The following KIF17 variants were observed in gnomAD, a reference collection of about 807,000 sequenced individuals.
The protein encoded by KIF17 is kinesin family member 17, also known as kinesin-like protein KIF17.
A neutral mutation model predicts 96.8 loss-of-function variants in KIF17; 80 were observed. The observed-to-expected ratio is 0.83, with a 90% confidence interval of 0.69 to 1.00. The LOEUF (loss-of-function observed/expected upper bound fraction) is 1.00, where lower values mean the gene tolerates loss of function less well. Ranked by LOEUF, KIF17 falls within the 50% of genes least tolerant of loss-of-function variation. KIF17 has a pLI of 0.00. For missense variants in KIF17, 1,280 were observed against 1,372.9 expected (o/e 0.93, Z 1.07); for synonymous variants, 567 against 587.5 (o/e 0.97, Z 0.51).
At position 20,704,170 on chromosome 1, in the gene KIF17, G is replaced by C. The variant is rs367570612; in HGVS notation, c.1123+277C>G. ...GTGTGGTGGGGGGTGTGGTGGGGGT[G>C]GGGGGGATAATGGATGAGCAGATGA... On this transcript the variant is annotated intron_variant, in intron 5 of 14. Coordinates refer to ENST00000400463, the MANE Select transcript of KIF17 (RefSeq NM_001122819.3). The surrounding 1 kb of genome is among the most constrained non-coding windows in gnomAD (Gnocchi z 6.8). 3.3e-5 allele frequency among the ~76,000 whole-genome samples: 5 copies of C among 150,398 alleles called. No homozygotes were observed. Among genetic ancestry groups the C allele is most frequent in the Non-Finnish European group, 4.4e-5 (3 of 67,574 alleles).
intron 11 of KIF17, among the ~76,000 whole-genome samples, chr1:20,681,888 C>A (rs888083630): frequency 2.6e-5 from 4 of 152,272 alleles, no homozygotes; most frequent in Middle Eastern, 3.4e-3. Flanking sequence ...TTCTGAGGTT[C>A]CCAGTCTGGG....
At chr1:20,675,417 C>T (rs915396061) in intron 11 of KIF17, among the ~76,000 whole-genome samples, 9 of 149,282 alleles carry the variant, frequency 6.0e-5, no homozygotes, top group Admixed American at 5.4e-4. Context: ...CATTGCACTC[C>T]AGCCTGGGCG....
Position 20,664,276 on chromosome 1 carries a change from C to G in KIF17, c.*308G>C, listed in dbSNP as rs1161081233. 3.2e-6 allele frequency: 4 copies of G among 1,260,688 alleles called. No homozygotes were observed. Among genetic ancestry groups the G allele is most frequent in the Non-Finnish European group, 4.1e-6 (4 of 977,974 alleles). The allele number at this position is 1,260,688 out of a possible 1,614,324, so 78.1% of individuals were successfully genotyped here. ...GTGAAGCAGGTCTCAGGCTTTGAGG[C>G]AAAGACCAACACTGGTGGGCATGGG... On this transcript the variant is annotated 3_prime_UTR_variant, in exon 15 of 15. Transcript: ENST00000400463.
chr1:20,700,374 C>G lies in KIF17; in HGVS notation c.1124-1886G>C, dbSNP rs754224505. Among the ~76,000 whole-genome samples, 11 of 152,130 alleles carry G rather than the reference C, an allele frequency of 7.2e-5. No individual in the cohort carries two copies. The highest frequency in any genetic ancestry group is 1.6e-4 in the Non-Finnish European group (11 of 68,024). Reference sequence around the variant, plus strand: ...GCGTGAACCACTGCGCCCGGCCAGGCTGTAGCCAGTTTTGAAGGTGGAGAT... The same window carrying G: ...GCGTGAACCACTGCGCCCGGCCAGGGTGTAGCCAGTTTTGAAGGTGGAGAT... On this transcript the variant is annotated intron_variant, in intron 5 of 14. Coordinates refer to ENST00000400463, the MANE Select transcript of KIF17 (RefSeq NM_001122819.3). This position sits in a 1 kb window ranked among gnomAD's most constrained non-coding sequence, Gnocchi z 4.6.
At chr1:20,705,095 C>A (rs2054319094) in intron 4 of KIF17, among the ~76,000 whole-genome samples, 196 bp from the exon 5 acceptor site, 1 of 152,208 alleles carries the variant, frequency 6.6e-6, no homozygotes, top group Admixed American at 6.5e-5. Context: ...GGGCATGGAA[C>A]TTGTCCAAGG....
chr1:20,691,333 G>C (rs1370066868), intron 6 of KIF17, among the ~76,000 whole-genome samples: 1 of 152,044 alleles, frequency 6.6e-6, no homozygotes, highest in Non-Finnish European at 1.5e-5. Flanking sequence ...AATTTATAGA[G>C]TAGGGGTCTC....
rs769060306 is a variant in KIF17 at position 20,672,063 on chromosome 1, G to A, written c.2597C>T (p.Pro866Leu). 6.2e-7 allele frequency: 1 copy of A among 1,614,016 alleles called. No individual in the cohort carries two copies. Among genetic ancestry groups the A allele is most frequent in the Non-Finnish European group, 8.5e-7 (1 of 1,180,044 alleles). ...LLQQLLEQVQ[P>L]LIRRDCNYSN... ...GTAGTTACAGTCCCTGCGAATCAGGGGCTGCACCTGCTCCAGGAGCTGCTG... is the reference window on the plus strand; with the variant it reads ...GTAGTTACAGTCCCTGCGAATCAGGAGCTGCACCTGCTCCAGGAGCTGCTG... The change falls in exon 12 of 15, where the codon CCC (proline) becomes CTC (leucine). Residue 866 changes from proline to leucine, a missense_variant. Transcript: ENST00000400463. This position sits in a 1 kb window ranked among gnomAD's most constrained non-coding sequence, Gnocchi z 4.3.
chr1:20,678,033 C>G (rs1452486209), intron 11 of KIF17, among the ~76,000 whole-genome samples: 1 of 152,172 alleles, frequency 6.6e-6, no homozygotes, highest in East Asian at 1.9e-4. Flanking sequence ...TTACAATGCT[C>G]ATAAAGACAT....
rs540543959 is a variant in KIF17 at position 20,701,237 on chromosome 1, C to T, written c.1124-2749G>A. 5.3e-5 allele frequency among the ~76,000 whole-genome samples: 8 copies of T among 152,288 alleles called. No individual in the cohort carries two copies. The South Asian group carries it at 1.7e-3, about 32-fold the overall frequency. On this transcript the variant is annotated intron_variant, in intron 5 of 14. Coordinates refer to ENST00000400463, the MANE Select transcript of KIF17 (RefSeq NM_001122819.3). The stretch of plus-strand genomic sequence containing the variant: ...TCACGAGGTCCTGATTGAGACCATC[C>T]TGGCTAACACGGTAAAACCCCATCT...
chr1:20,669,668 T>G (rs1055194132), intron 13 of KIF17, among the ~76,000 whole-genome samples: 9 of 149,084 alleles, frequency 6.0e-5, no homozygotes, highest in Non-Finnish European at 1.3e-4. Flanking sequence ...GGTCAAGAGA[T>G]CGAGACCATC....
rs2053486641 is a variant in KIF17 at position 20,664,374 on chromosome 1, G to T, written c.*210C>A. The T allele has an allele frequency of 6.9e-7, 1 of 1,452,800 alleles. No individual in the cohort carries two copies. The highest frequency in any genetic ancestry group is 9.0e-7 in the Non-Finnish European group (1 of 1,108,292). 90.0% of individuals were successfully genotyped at this position (1,452,800 alleles called of 1,614,324 possible). On this transcript the variant is annotated 3_prime_UTR_variant, in exon 15 of 15. Coordinates refer to ENST00000400463, the MANE Select transcript of KIF17 (RefSeq NM_001122819.3). ...AACAGCTGGAGCAGGCCTCTCTAAG[G>T]AGGACTATACAGCCTCCGAGGGGCT...
intron 6 of KIF17, among the ~76,000 whole-genome samples, chr1:20,695,851 C>T (rs894475205): frequency 2.6e-5 from 4 of 152,184 alleles, no homozygotes; most frequent in Non-Finnish European, 5.9e-5. Flanking sequence ...AAAAACCCTT[C>T]CTTGGCCCCA....
rs1004108803 is a variant in KIF17, at chr1:20,664,864, G to GC, written c.2909-103dup. 8 of 1,063,518 alleles carry GC rather than the reference G, an allele frequency of 7.5e-6. No individual in the cohort carries two copies. In the Admixed American group the frequency reaches 1.2e-4, roughly 16 times the overall value. 65.9% of individuals were successfully genotyped at this position (1,063,518 alleles called of 1,614,324 possible). A position where few individuals can be genotyped will look rare whatever the true frequency, so the allele number is the denominator to read the frequency against. On this transcript the variant is annotated intron_variant, in intron 14 of 14. Transcript: ENST00000400463. ...GGAGAGCCTGGCCCACCCCACTCCC[G>GC]CCCCCCTGCCCAGCCAGAGGCCCTG...
At position 20,717,600 on chromosome 1, in the gene KIF17, T is replaced by G. The variant is rs1422351187; in HGVS notation, c.107A>C (p.Gln36Pro). Residue 36 changes from glutamine to proline, a missense_variant, in exon 1 of 15, where the codon CAG becomes CCG. Gln to Pro is a moderately conservative substitution (Grantham distance 76). Coordinates refer to ENST00000400463, the MANE Select transcript of KIF17 (RefSeq NM_001122819.3). ...GGCGCCCGGGTTCTGGATGCAGCAC[T>G]GGGCGCGCGCGCAGTCCACAGTCAC... ...PVVTVDCARA[Q>P]CCIQNPGAAD... The G allele has an allele frequency of 6.2e-7, 1 of 1,610,870 alleles. No homozygotes were observed. The highest frequency in any genetic ancestry group is 2.2e-5 in the East Asian group (1 of 44,820).
At position 20,715,628 on chromosome 1, in the gene KIF17, C is replaced by T; in HGVS notation, c.243G>A (p.Glu81=). The T allele has an allele frequency of 6.2e-7, 1 of 1,613,350 alleles. No individual in the cohort carries two copies. The highest frequency in any genetic ancestry group is 8.5e-7 in the Non-Finnish European group (1 of 1,179,686). ...AGGCAAAGATGGTGCCATTGTAGCC[C>T]TCAGTGACGCCCTGCATGGGAGGAA... ...IAYPLVEGVT[E]GYNGTIFAYG... Residue 81 remains glutamate (E), a synonymous_variant, in exon 2 of 15, where the codon GAG becomes GAA. Transcript: ENST00000400463.
chr1:20,690,352 G>GCCCA lies in KIF17; in HGVS notation c.1234-18_1234-17insTGGG. ...TTCATACTCCTGGGGGGGTGGGAGG[G>GCCCA]ACCAGAGGGCAGGCAGCATTTTATC... is the stretch of plus-strand genomic sequence containing the variant. On this transcript the variant is annotated splice_polypyrimidine_tract_variant and intron_variant, in intron 6 of 14. Transcript: ENST00000400463. The GCCCA allele has an allele frequency of 1.5e-4, 67 of 450,906 alleles. No homozygotes were observed. The highest frequency in any genetic ancestry group is 2.3e-4 in the Non-Finnish European group (55 of 234,932). 27.9% of individuals were successfully genotyped at this position (450,906 alleles called of 1,614,324 possible). A position where few individuals can be genotyped will look rare whatever the true frequency, so the allele number is the denominator to read the frequency against.
At chr1:20,676,902 CAA>C (rs200970075) in intron 11 of KIF17, among the ~76,000 whole-genome samples, 1,536 of 151,930 alleles carry the variant, frequency 0.01, 29 homozygotes, top group African/African-American at 0.035. Context: ...TCTCACCTAA[CAA>C]AGTGGTAAAA....
chr1:20,695,581 T>C (rs1166787605), intron 6 of KIF17, among the ~76,000 whole-genome samples: 1 of 152,076 alleles, frequency 6.6e-6, no homozygotes, highest in Non-Finnish European at 1.5e-5. Flanking sequence ...TTTAGCTCTG[T>C]CTTCCCAACC....
chr1:20,704,457 G>C lies in KIF17; in HGVS notation c.1113C>G (p.Ser371Arg). 1 of 1,613,896 alleles carries C rather than the reference G, an allele frequency of 6.2e-7. No homozygotes were observed. The highest frequency in any genetic ancestry group is 8.5e-7 in the Non-Finnish European group (1 of 1,179,848). ...CCAACGTGGTCCCACCTGACAGGCT[G>C]CTGGGGCTCATCTGCTGTGTCAGGA... ...KAILTQQMSPSSLSALLSRQV... is the reference protein window; with the variant it reads ...KAILTQQMSPRSLSALLSRQV... The change falls in exon 5 of 15, where the codon AGC becomes AGG. Residue 371 changes from serine (S) to arginine (R), a missense_variant. Physicochemically the swap from Ser to Arg is moderately radical, Grantham distance 110 (BLOSUM62 -1). Coordinates refer to ENST00000400463, the MANE Select transcript of KIF17 (RefSeq NM_001122819.3). This position sits in a 1 kb window ranked among gnomAD's most constrained non-coding sequence, Gnocchi z 6.8.
Sources: allele counts gnomAD v4.1 joint callset (sites outside exome capture counted in the v4.1 genomes callset), GRCh38; gene constraint gnomAD v4.1.1; non-coding constraint Gnocchi (gnomAD v3.1); transcripts MANE v1.5; gene names NCBI Gene and HGNC (gene_info 2026-07-23, HGNC 2026-07-21).